DENND1A: variants seen among roughly 807,000 people sequenced by gnomAD.
DENND1A encodes DENN domain containing 1A.
A neutral mutation model predicts 113.7 loss-of-function variants in DENND1A; 51 were observed. The observed-to-expected ratio is 0.45, with a 90% confidence interval of 0.36 to 0.57. The LOEUF (loss-of-function observed/expected upper bound fraction) is 0.57. Among genes scored for constraint, DENND1A ranks in the 20% least tolerant of loss-of-function variants. The pLI, the probability that DENND1A is intolerant of heterozygous loss-of-function variation, is 0.00. For missense variants in DENND1A, 1,258 were observed against 1,395.9 expected (o/e 0.90, Z 1.57); for synonymous variants, 565 against 570.8 (o/e 0.99, Z 0.14).
intron 5 of DENND1A, among the ~76,000 whole-genome samples, chr9:123,708,151 A>AG (rs2066350931): frequency 6.6e-6 from 1 of 152,182 alleles, no homozygotes. Flanking sequence ...ACAAAAAAAA[A>AG]GAGAAGAAAA....
intron 19 of DENND1A, among the ~76,000 whole-genome samples, chr9:123,421,482 T>C (rs2045300131): frequency 6.6e-6 from 1 of 152,046 alleles, no homozygotes. Flanking sequence ...CCCCAGAAAG[T>C]CCTCCCTCTG....
intron 19 of DENND1A, among the ~76,000 whole-genome samples, chr9:123,431,326 C>T (rs1207576452): frequency 6.6e-6 from 1 of 152,158 alleles, no homozygotes; most frequent in Non-Finnish European, 1.5e-5. Context: ...TGAGCCTACA[C>T]CAGGTACAGG....
intron 5 of DENND1A, among the ~76,000 whole-genome samples, chr9:123,696,600 C>T (rs758011086): frequency 1.3e-5 from 2 of 152,052 alleles, no homozygotes; most frequent in African/African-American, 4.8e-5. Context: ...TTTAACATCC[C>T]TTTGGAGAGA....
intron 13 of DENND1A, among the ~76,000 whole-genome samples, chr9:123,497,813 C>CA (rs755257150): frequency 0.16 from 15,997 of 101,576 alleles, 1,132 homozygotes; most frequent in South Asian, 0.21. Context: ...CTCTTCCATC[C>CA]AAAAAAAAAA....
At chr9:123,670,306 G>A (rs2063704730) in intron 7 of DENND1A, among the ~76,000 whole-genome samples, 1 of 152,158 alleles carries the variant, frequency 6.6e-6, no homozygotes, top group South Asian at 2.1e-4. Flanking sequence ...TGACATAAGG[G>A]AAATAGCTCC....
At chr9:123,726,267 C>G (rs897043229) in intron 5 of DENND1A, among the ~76,000 whole-genome samples, 4 of 152,182 alleles carry the variant, frequency 2.6e-5, no homozygotes, top group African/African-American at 9.6e-5. Flanking sequence ...AAGAAAAGCT[C>G]TCATTTGTAA....
At chr9:123,447,140 A>C (rs1277735147) in intron 18 of DENND1A, among the ~76,000 whole-genome samples, 1 of 152,192 alleles carries the variant, frequency 6.6e-6, no homozygotes, top group Non-Finnish European at 1.5e-5. Context: ...TCCAGATGAA[A>C]GCACTACACT....
At chr9:123,488,676 A>C (rs2051096913) in intron 13 of DENND1A, among the ~76,000 whole-genome samples, 1 of 152,162 alleles carries the variant, frequency 6.6e-6, no homozygotes, top group East Asian at 1.9e-4. Context: ...TGAACCTCAA[A>C]TCTCCAAAGC....
In DENND1A at chr9:123,489,998, C is replaced by T. The variant is rs144430041; in HGVS notation, c.994-32101G>A. 6.1e-3 allele frequency among the ~76,000 whole-genome samples: 931 copies of T among 152,236 alleles called. 10 individuals are homozygous for T. The highest frequency in any genetic ancestry group is 0.021 in the African/African-American group (861 of 41,512). ...GGTGACAAAAAGGACCAGAAAAATT[C>T]TCAGGAGACTGGAACAATAGGCTGA... On this transcript the variant is annotated intron_variant, in intron 13 of 23. Transcript: ENST00000394215.
intron 2 of DENND1A, among the ~76,000 whole-genome samples, chr9:123,810,300 T>A (rs938151189): frequency 6.6e-6 from 1 of 152,148 alleles, no homozygotes; most frequent in Non-Finnish European, 1.5e-5. Context: ...GGCTGTCTCT[T>A]GCGCCTGAAC....
chr9:123,469,743 G>A (rs2049247946), intron 13 of DENND1A, among the ~76,000 whole-genome samples: 1 of 152,190 alleles, frequency 6.6e-6, no homozygotes, highest in Non-Finnish European at 1.5e-5. Context: ...ACCAGCACTG[G>A]GTGGTTTTAC....
intron 13 of DENND1A, among the ~76,000 whole-genome samples, chr9:123,538,693 G>T (rs948641332): frequency 6.8e-6 from 1 of 146,790 alleles, no homozygotes; most frequent in Non-Finnish European, 1.5e-5. Flanking sequence ...AATGACAATC[G>T]CAATGAACCA....
chr9:123,544,202 A>G (rs2056488921), intron 13 of DENND1A, among the ~76,000 whole-genome samples: 1 of 152,234 alleles, frequency 6.6e-6, no homozygotes, highest in Non-Finnish European at 1.5e-5. Flanking sequence ...GTGTCAGCCC[A>G]GGAAAAGAGG....
At chr9:123,523,170 C>T (rs762439313) in intron 13 of DENND1A, among the ~76,000 whole-genome samples, 8 of 152,102 alleles carry the variant, frequency 5.3e-5, no homozygotes, top group South Asian at 2.1e-4. Flanking sequence ...GTGTTGCCTC[C>T]GATCAGTCCA....
At chr9:123,784,337 G>T (rs952625553) in intron 3 of DENND1A, among the ~76,000 whole-genome samples, 1 of 152,194 alleles carries the variant, frequency 6.6e-6, no homozygotes, top group Non-Finnish European at 1.5e-5. Flanking sequence ...CTTAGAGAGG[G>T]TGGTGATTGT....
intron 19 of DENND1A, chr9:123,413,324 T>C (rs1182347996): frequency 9.4e-6 from 7 of 742,358 alleles, no homozygotes; most frequent in Non-Finnish European, 1.2e-5. Flanking sequence ...ATTGGGTTCA[T>C]TATATTAAAA....
At chr9:123,455,747 T>C (rs770755490) in intron 15 of DENND1A, among the ~76,000 whole-genome samples, 1 of 152,234 alleles carries the variant, frequency 6.6e-6, no homozygotes, top group African/African-American at 2.4e-5. Flanking sequence ...TCATTTTAAA[T>C]GGTGGGTCTT....
chr9:123,820,301 G>C (rs1838247965), intron 2 of DENND1A, among the ~76,000 whole-genome samples: 1 of 152,186 alleles, frequency 6.6e-6, no homozygotes, highest in African/African-American at 2.4e-5. Flanking sequence ...TTGAACCATG[G>C]AATACAGCAG....
At chr9:123,922,635 C>G (rs1177895613) in intron 1 of DENND1A, among the ~76,000 whole-genome samples, 1 of 152,140 alleles carries the variant, frequency 6.6e-6, no homozygotes, top group Admixed American at 6.5e-5. Context: ...TGGCACATGC[C>G]TACTTCATCA....
Sources: allele counts gnomAD v4.1 joint callset (sites outside exome capture counted in the v4.1 genomes callset), GRCh38; gene constraint gnomAD v4.1.1; transcripts MANE v1.5; gene names NCBI Gene and HGNC (gene_info 2026-07-23, HGNC 2026-07-21).